Variants in MEIS2 observed in about 807,000 individuals in gnomAD.
MEIS2 encodes the protein homeobox protein Meis2.
A neutral mutation model predicts 58.6 loss-of-function variants in MEIS2; 9 were observed. That is an observed-to-expected ratio of 0.15 (90% CI 0.09 to 0.27). MEIS2 has a LOEUF of 0.27. MEIS2 is among the 10% of genes least tolerant of loss of function. The pLI, the probability that MEIS2 is intolerant of heterozygous loss-of-function variation, is 1.00. For synonymous variants in MEIS2, 221 were observed against 228.4 expected (o/e 0.97, Z 0.29); for missense variants, 427 against 635.0 (o/e 0.67, Z 3.52).
intron 9 of MEIS2, among the ~76,000 whole-genome samples, chr15:36,911,270 C>CGTGTGTGTGT (rs57919785): frequency 6.7e-6 from 1 of 149,886 alleles, no homozygotes; most frequent in Non-Finnish European, 1.5e-5. Flanking sequence ...TTAAGAATAA[C>CGTGTGTGTGT]GTGTGTGTGT....
At chr15:37,034,488 C>T (rs1433827612) in intron 8 of MEIS2, among the ~76,000 whole-genome samples, 3 of 152,182 alleles carry the variant, frequency 2.0e-5, no homozygotes, top group African/African-American at 7.2e-5. Context: ...CTTGAGGTGA[C>T]TACAAGCTCT....
intron 7 of MEIS2, among the ~76,000 whole-genome samples, chr15:37,052,299 A>AT (rs1270405555): frequency 1.3e-5 from 2 of 152,202 alleles, no homozygotes; most frequent in Non-Finnish European, 2.9e-5. Context: ...ACTACATGCC[A>AT]GTTTCAGCAG....
At chr15:36,920,909 C>T (rs1016733448) in intron 9 of MEIS2, among the ~76,000 whole-genome samples, 19 of 152,086 alleles carry the variant, frequency 1.2e-4, no homozygotes, top group Non-Finnish European at 1.8e-4. Flanking sequence ...ATTTAACCAG[C>T]GCTCACGGCC....
chr15:36,925,982 C>T (rs1282439691), intron 9 of MEIS2, among the ~76,000 whole-genome samples: 4 of 152,190 alleles, frequency 2.6e-5, no homozygotes, highest in Non-Finnish European at 5.9e-5. Context: ...ATACATTAAG[C>T]TGCTTATTCG....
upstream of MEIS2, among the ~76,000 whole-genome samples, chr15:37,100,693 GTGTC>G (rs1311802742): frequency 2.8e-4 from 42 of 151,418 alleles, no homozygotes; most frequent in Admixed American, 6.6e-4. Context: ...AAAGGAGAGT[GTGTC>G]TGTGTGTGTG....
chr15:36,959,630 T>C (rs1458749328), intron 8 of MEIS2, among the ~76,000 whole-genome samples: 4 of 152,030 alleles, frequency 2.6e-5, no homozygotes, highest in African/African-American at 7.2e-5. Context: ...AGGCAGAAAA[T>C]ACCAACTTTT....
intron 6 of MEIS2, among the ~76,000 whole-genome samples, chr15:37,091,631 G>C (rs1031364946): frequency 1.3e-5 from 2 of 152,068 alleles, no homozygotes; most frequent in Admixed American, 6.5e-5. Context: ...CTTCCTTCTT[G>C]AGTGGATATT....
Position 37,083,841 on chromosome 15 carries a change from G to A in MEIS2, c.684C>T (p.His228=), listed in dbSNP as rs751897197. 1.9e-6 allele frequency: 3 copies of A among 1,614,138 alleles called. No homozygotes were observed. Among genetic ancestry groups the A allele is most frequent in the Non-Finnish European group, 2.5e-6 (3 of 1,179,998 alleles). The change falls in exon 7 of 12, where the codon CAC becomes CAT. Residue 228 remains histidine, a synonymous_variant. Transcript: ENST00000561208. The part of the protein sequence containing the change: ...WRDHDDATST[H]SAGTPGPSSG... The stretch of plus-strand genomic sequence containing the variant: ...TGGAGGGCCCTGGGGTGCCTGCTGA[G>A]TGGGTTGAGGTTGCATCATCGTGGT...
At chr15:37,097,900 C>T in intron 2 of MEIS2, 67 bp downstream of exon 2, 2 of 1,499,950 alleles carry the variant, frequency 1.3e-6, no homozygotes, top group Non-Finnish European at 1.8e-6. Context: ...ACCTTCCCAC[C>T]CCCACAGAGA....
chr15:37,072,213 C>T (rs1452978881), intron 7 of MEIS2, among the ~76,000 whole-genome samples: 2 of 152,104 alleles, frequency 1.3e-5, no homozygotes, highest in Non-Finnish European at 2.9e-5. Context: ...CCATCATAAA[C>T]TCCTTTTGCT....
intron 7 of MEIS2, among the ~76,000 whole-genome samples, chr15:37,057,102 C>A (rs1888537945): frequency 6.6e-6 from 1 of 152,204 alleles, no homozygotes; most frequent in African/African-American, 2.4e-5. Context: ...GGAGTCAAAT[C>A]CTCACGGCAC....
rs556373549 is a variant in MEIS2 at position 36,946,434 on chromosome 15, A to C, written c.977+3890T>G. Among the ~76,000 whole-genome samples, 35 of 151,882 alleles carry C rather than the reference A, an allele frequency of 2.3e-4. No homozygotes were observed. In the East Asian group the frequency reaches 6.0e-3, roughly 26 times the overall value. On this transcript the variant is annotated intron_variant, in intron 9 of 11. Coordinates refer to ENST00000561208, the MANE Select transcript of MEIS2 (RefSeq NM_170675.5). ...TCAAAGAACTGTAGAAAAAAAAAAA[A>C]AAAACTATCATCTGAGAAGCTACAA...
At chr15:37,056,891 T>C (rs1029631174) in intron 7 of MEIS2, among the ~76,000 whole-genome samples, 8 of 152,206 alleles carry the variant, frequency 5.3e-5, no homozygotes, top group African/African-American at 1.9e-4. Flanking sequence ...AGGTTAAGAC[T>C]CTTTCTCAGG....
At chr15:36,988,871 T>C (rs1006187853) in intron 8 of MEIS2, among the ~76,000 whole-genome samples, 6 of 152,174 alleles carry the variant, frequency 3.9e-5, no homozygotes, top group Admixed American at 3.9e-4. Flanking sequence ...AACTTACTTA[T>C]TACTAGATCA....
intron 7 of MEIS2, among the ~76,000 whole-genome samples, chr15:37,062,178 A>G (rs150167214): frequency 2.6e-5 from 4 of 152,306 alleles, no homozygotes; most frequent in Admixed American, 6.5e-5. Flanking sequence ...TCTGATCTCC[A>G]GGCCAATACT....
At chr15:37,009,069 C>A (rs1485803203) in intron 8 of MEIS2, among the ~76,000 whole-genome samples, 1 of 152,034 alleles carries the variant, frequency 6.6e-6, no homozygotes, top group Non-Finnish European at 1.5e-5. Context: ...GCGGGCAGAT[C>A]ACAAGGTCAG....
chr15:36,991,025 AT>A (rs1028903127), intron 8 of MEIS2, among the ~76,000 whole-genome samples: 3 of 152,164 alleles, frequency 2.0e-5, no homozygotes, highest in African/African-American at 7.2e-5. Context: ...GCTTTACCTC[AT>A]GAAAGCTCTG....
At chr15:36,897,664 C>T (rs1595672379) in intron 9 of MEIS2, 2 of 152,196 alleles carry the variant, frequency 1.3e-5, no homozygotes, top group South Asian at 2.1e-4. Flanking sequence ...GTGCACTTAA[C>T]GACGTGTATT....
chr15:37,055,965 C>T (rs1448836682), intron 7 of MEIS2, among the ~76,000 whole-genome samples: 3 of 152,126 alleles, frequency 2.0e-5, no homozygotes, highest in Admixed American at 6.5e-5. Flanking sequence ...AATATCTGTC[C>T]CATCAGTGAA....
Sources: allele counts gnomAD v4.1 joint callset (sites outside exome capture counted in the v4.1 genomes callset), GRCh38; gene constraint gnomAD v4.1.1; transcripts MANE v1.5; gene names NCBI Gene and HGNC (gene_info 2026-07-23, HGNC 2026-07-21).